GPHN: variants seen among roughly 807,000 people sequenced by gnomAD.
GPHN encodes gephyrin.
A neutral mutation model predicts 95.5 loss-of-function variants in GPHN; 17 were observed. That is an observed-to-expected ratio of 0.18 (90% CI 0.12 to 0.27). The LOEUF (loss-of-function observed/expected upper bound fraction) is 0.27. Among genes scored for constraint, GPHN ranks in the 10% least tolerant of loss-of-function variants. GPHN has a pLI of 1.00. For synonymous variants in GPHN, 320 were observed against 322.5 expected, an observed-to-expected ratio of 0.99 and a Z score of 0.08; for missense variants, 660 against 978.1, an observed-to-expected ratio of 0.67 and a Z score of 4.34.
At chr14:66,774,357 A>G (rs1455454793) in intron 2 of GPHN, among the ~76,000 whole-genome samples, 1 of 152,162 alleles carries the variant, frequency 6.6e-6, no homozygotes, top group Non-Finnish European at 1.5e-5. Context: ...TAATCTTGTC[A>G]TTGTTATTTC....
chr14:66,810,934 C>G (rs773793647), intron 3 of GPHN, among the ~76,000 whole-genome samples: 9 of 152,102 alleles, frequency 5.9e-5, no homozygotes, highest in Admixed American at 2.0e-4. Context: ...CCCTGCCTTA[C>G]AGTCAGAAAA....
At chr14:66,833,163 T>C (rs890339215) in intron 4 of GPHN, among the ~76,000 whole-genome samples, 2 of 152,176 alleles carry the variant, frequency 1.3e-5, no homozygotes, top group Non-Finnish European at 1.5e-5. Context: ...AGAGGCTTAA[T>C]TGACTCACAG....
At position 67,150,250 on chromosome 14, in the gene GPHN, G is replaced by A. The variant is rs370945582; in HGVS notation, c.1836+6801G>A. Among the ~76,000 whole-genome samples, 6,297 of 151,304 alleles carry A rather than the reference G, an allele frequency of 0.042. 797 individuals are homozygous for A. The East Asian group carries it at 0.42, about 10-fold the overall frequency. On this transcript the variant is annotated intron_variant, in intron 18 of 22. Coordinates refer to ENST00000478722, the MANE Select transcript of GPHN (RefSeq NM_020806.5). The stretch of plus-strand genomic sequence containing the variant: ...GAGATCAGGAGATCGAGACCATCCC[G>A]GCTAAAACGGTGAAACCCCGTCTCT...
At chr14:67,386,932 C>T in the GPHN span, 21 of 154,826 alleles carry the variant, frequency 1.4e-4, no homozygotes, top group Non-Finnish European at 2.3e-4. Context: ...ATTCTAATAG[C>T]TAGAAACAAA....
chr14:67,269,573 AAG>A, the GPHN span: 1 of 152,534 alleles, frequency 6.6e-6, no homozygotes, highest in Non-Finnish European at 1.5e-5. Context: ...ATTTCTGACT[AAG>A]AAATCCTAGC....
chr14:66,668,683 C>G (rs1310942996), intron 1 of GPHN, among the ~76,000 whole-genome samples: 2 of 152,098 alleles, frequency 1.3e-5, no homozygotes, highest in African/African-American at 4.8e-5. Flanking sequence ...CTAGTGGATA[C>G]TAGTCTTAAT....
the GPHN span, chr14:67,332,812 A>T: frequency 2.7e-5 from 43 of 1,613,492 alleles, no homozygotes; most frequent in Non-Finnish European, 3.6e-5. Context: ...TTGAGAAGAC[A>T]AGAGAGATGG....
At chr14:67,262,371 G>A in the GPHN span, among the ~76,000 whole-genome samples, 1 of 151,870 alleles carries the variant, frequency 6.6e-6, no homozygotes, top group African/African-American at 2.4e-5. Context: ...TCCCCGCCTC[G>A]AATCCAGAGA....
the GPHN span, among the ~76,000 whole-genome samples, chr14:67,248,277 T>C: frequency 3.9e-5 from 6 of 152,024 alleles, no homozygotes; most frequent in South Asian, 2.1e-4. Flanking sequence ...CCCCAGCCAA[T>C]TGGGAGGCTG....
the GPHN span, among the ~76,000 whole-genome samples, chr14:67,375,501 G>A: frequency 1.3e-5 from 2 of 149,594 alleles, no homozygotes; most frequent in South Asian, 4.2e-4. Flanking sequence ...TTTCTGCCAT[G>A]AGTGTTTCTG....
the GPHN span, among the ~76,000 whole-genome samples, chr14:67,246,606 G>A: frequency 6.7e-6 from 1 of 150,278 alleles, no homozygotes; most frequent in Non-Finnish European, 1.5e-5. Flanking sequence ...CTCCAAAAGT[G>A]CTAGGATTAC....
chr14:66,518,942 C>T (rs2139784177), intron 1 of GPHN, among the ~76,000 whole-genome samples: 1 of 151,966 alleles, frequency 6.6e-6, no homozygotes, highest in Non-Finnish European at 1.5e-5. Flanking sequence ...CTATAGTTAA[C>T]AGTAATATAT....
chr14:67,574,376 G>T, the GPHN span: 1 of 1,587,842 alleles, frequency 6.3e-7, no homozygotes, highest in Admixed American at 1.8e-5. The surrounding 1 kb of genome is among the most constrained non-coding windows in gnomAD (Gnocchi z 4.2). Flanking sequence ...GTGGCACCAA[G>T]CCCACCGTGA....
In GPHN at chr14:67,102,432, G is replaced by A. The variant is rs144004239; in HGVS notation, c.1293+1521G>A. On this transcript the variant is annotated intron_variant, in intron 13 of 22. Transcript: ENST00000478722. ...TCCCAGCACTTTGGGAGGCCGCGGC[G>A]GGCAGATAACCTGAGTTCGGGAGTT... Among the ~76,000 whole-genome samples, 839 of 151,844 alleles carry A rather than the reference G, an allele frequency of 5.5e-3. 3 individuals carry two copies. The highest frequency in any genetic ancestry group is 0.019 in the African/African-American group (800 of 41,426).
In GPHN at chr14:67,181,332, T is replaced by C. The variant is rs1413097232; in HGVS notation, c.*395T>C. The C allele has an allele frequency of 2.3e-6, 1 of 432,576 alleles. No homozygotes were observed. The highest frequency in any genetic ancestry group is 4.4e-6 in the Non-Finnish European group (1 of 229,390). The allele number at this position is 432,576 out of a possible 1,614,324, so 26.8% of individuals were successfully genotyped here. Reference sequence around the variant, plus strand: ...TATTTATACTAGCGTAGGCAACACTTGGATTTCCCTTCTTAGTATGCTTCA... The same window carrying C: ...TATTTATACTAGCGTAGGCAACACTCGGATTTCCCTTCTTAGTATGCTTCA... On this transcript the variant is annotated 3_prime_UTR_variant, in exon 23 of 23. Transcript: ENST00000478722.
the GPHN span, among the ~76,000 whole-genome samples, chr14:67,351,898 A>G: frequency 6.6e-6 from 1 of 151,632 alleles, no homozygotes; most frequent in Non-Finnish European, 1.5e-5. Context: ...CAGAATACAC[A>G]TAGAACCTCT....
intron 1 of GPHN, among the ~76,000 whole-genome samples, chr14:66,618,099 T>C (rs1408806403): frequency 1.3e-5 from 2 of 152,224 alleles, no homozygotes; most frequent in Non-Finnish European, 2.9e-5. Context: ...TCTTACATTT[T>C]TTTCTTGTGT....
the GPHN span, among the ~76,000 whole-genome samples, chr14:67,583,442 A>G: frequency 6.6e-6 from 1 of 152,200 alleles, no homozygotes; most frequent in Non-Finnish European, 1.5e-5. Flanking sequence ...ACTGGAAGCC[A>G]GAATTTCCAC....
At chr14:66,695,004 C>G (rs971171533) in intron 2 of GPHN, among the ~76,000 whole-genome samples, 5 of 151,724 alleles carry the variant, frequency 3.3e-5, no homozygotes, top group African/African-American at 1.2e-4. Flanking sequence ...ACCAAAAATA[C>G]AAAAATTAGC....
Sources: gnomAD v4.1 joint callset for allele counts (sites outside exome capture counted in the v4.1 genomes callset) on GRCh38, gnomAD v4.1.1 for gene constraint, Gnocchi (gnomAD v3.1) non-coding constraint, MANE v1.5 for transcripts, NCBI Gene and HGNC (gene_info 2026-07-23, HGNC 2026-07-21) for gene names.